PARVB: variants seen among roughly 807,000 people sequenced by gnomAD.
PARVB encodes the protein beta-parvin.
Under a neutral mutation model 47.0 loss-of-function variants are expected in PARVB, and 46 were observed. The observed-to-expected ratio is 0.98, with a 90% CI of 0.77 to 1.25. The LOEUF (loss-of-function observed/expected upper bound fraction) is 1.25. Ranked by LOEUF, PARVB falls within the 50% of genes most tolerant of loss-of-function variation. The probability of loss-of-function intolerance (pLI) is 0.00; values close to 1 mark genes in which losing one functional copy is unlikely to be tolerated. For synonymous variants in PARVB, 196 were observed against 196.3 expected (o/e 1.00, Z 0.01); for missense variants, 473 against 471.6 (o/e 1.00, Z -0.03).
chr22:44,054,697 T>A (rs1224699361), intron 1 of PARVB, among the ~76,000 whole-genome samples: 3 of 151,982 alleles, frequency 2.0e-5, no homozygotes, highest in African/African-American at 7.2e-5. Flanking sequence ...CACTTAAAAA[T>A]GGTTAAAGTA....
At chr22:44,159,502 T>A (rs1364085566) in intron 11 of PARVB, among the ~76,000 whole-genome samples, 1 of 152,162 alleles carries the variant, frequency 6.6e-6, no homozygotes, top group Admixed American at 6.5e-5. Flanking sequence ...AAGGGAAGGC[T>A]ATTTTCAGGT....
intron 1 of PARVB, among the ~76,000 whole-genome samples, chr22:44,083,794 C>A (rs924674757): frequency 2.0e-5 from 3 of 152,140 alleles, no homozygotes; most frequent in African/African-American, 7.2e-5. Context: ...TACCCTGGAG[C>A]TGGTGGGAGC....
At chr22:44,164,410 C>CCT (rs1555913767) in intron 12 of PARVB, among the ~76,000 whole-genome samples, 1 of 12,230 alleles carries the variant, frequency 8.2e-5, no homozygotes, top group Non-Finnish European at 1.3e-4. Flanking sequence ...GCTTCCCTGT[C>CCT]CCCCCCCCGG....
In PARVB at chr22:44,055,999, C is replaced by T. The variant is rs113928566; in HGVS notation, c.112+31548C>T. Among the ~76,000 whole-genome samples, 201 of 152,332 alleles carry T rather than the reference C, an allele frequency of 1.3e-3. 1 individual carries two copies. Among genetic ancestry groups the T allele is most frequent in the Middle Eastern group, 6.8e-3 (2 of 294 alleles). ...AATAATGGTTAGCCAAGCACCAGGCCGCTCCCCACCCAGTCCAGGCAGCTA... is the reference window on the plus strand; with the variant it reads ...AATAATGGTTAGCCAAGCACCAGGCTGCTCCCCACCCAGTCCAGGCAGCTA... On this transcript the variant is annotated intron_variant, in intron 1 of 12. Coordinates refer to ENST00000338758, the MANE Select transcript of PARVB (RefSeq NM_013327.5).
chr22:44,067,174 A>G (rs2051554059), intron 1 of PARVB, among the ~76,000 whole-genome samples: 1 of 152,090 alleles, frequency 6.6e-6, no homozygotes, highest in African/African-American at 2.4e-5. Context: ...GCGTGTCAGG[A>G]GCTGGGTCTT....
At chr22:44,150,167 G>GAAACA (rs60712968) in intron 9 of PARVB, 3,263 of 150,172 alleles carry the variant, frequency 0.022, 95 homozygotes, top group African/African-American at 0.076. Flanking sequence ...AAAACAAAAC[G>GAAACA]AAACAAAACA....
At chr22:44,055,576 G>A (rs1284620942) in intron 1 of PARVB, among the ~76,000 whole-genome samples, 2 of 151,838 alleles carry the variant, frequency 1.3e-5, no homozygotes, top group Non-Finnish European at 2.9e-5. Context: ...CTCGTGATCC[G>A]CCCGCCTCGG....
At chr22:44,146,275 ACAT>A (rs1368709988) in intron 8 of PARVB, 1 of 141,822 alleles carries the variant, frequency 7.1e-6, no homozygotes, top group African/African-American at 2.7e-5. Flanking sequence ...CAGCACACAC[ACAT>A]GTTCACACAC....
At chr22:44,094,234 G>A (rs183216026) in intron 2 of PARVB, among the ~76,000 whole-genome samples, 4 of 152,188 alleles carry the variant, frequency 2.6e-5, no homozygotes, top group South Asian at 2.1e-4. Flanking sequence ...GTCTTAAAAC[G>A]TAAGTTTTAT....
chr22:44,131,377 A>T, intron 4 of PARVB, 110 bp from the exon 5 acceptor site: 8 of 1,130,196 alleles, frequency 7.1e-6, no homozygotes, highest in South Asian at 5.9e-5. Flanking sequence ...CCTGGCCTGA[A>T]GTGATTCACC....
At chr22:44,043,696 G>A (rs572080558) in intron 1 of PARVB, among the ~76,000 whole-genome samples, 2 of 152,116 alleles carry the variant, frequency 1.3e-5, no homozygotes, top group Admixed American at 6.6e-5. Flanking sequence ...ACTTTAAAAC[G>A]GCAAATTGTA....
intron 7 of PARVB, among the ~76,000 whole-genome samples, chr22:44,137,447 G>A (rs946918684): frequency 6.6e-6 from 1 of 152,212 alleles, no homozygotes; most frequent in Non-Finnish European, 1.5e-5. Flanking sequence ...GTAGGAGAAG[G>A]GCTGCTCGTG....
intron 6 of PARVB, among the ~76,000 whole-genome samples, chr22:44,133,429 G>T (rs753607149): frequency 6.6e-6 from 1 of 151,960 alleles, no homozygotes; most frequent in Non-Finnish European, 1.5e-5. Flanking sequence ...TCTTTTTTTG[G>T]GTTCATTTCT....
intron 4 of PARVB, among the ~76,000 whole-genome samples, chr22:44,130,177 C>T (rs541385934): frequency 2.0e-5 from 3 of 152,222 alleles, no homozygotes; most frequent in Non-Finnish European, 4.4e-5. Flanking sequence ...GTCAATGCCG[C>T]GTCACTGACA....
rs1005027222 is a variant in PARVB, at chr22:44,087,851, T to TTTG, written c.113-6075_113-6074insGTT. Among the ~76,000 whole-genome samples, 8 of 150,972 alleles carry TTTG rather than the reference T, an allele frequency of 5.3e-5. 1 individual carries two copies. Among genetic ancestry groups the TTTG allele is most frequent in the African/African-American group, 1.9e-4 (8 of 41,148 alleles). On this transcript the variant is annotated intron_variant, in intron 1 of 12. Transcript: ENST00000338758. ...TCCAAATCAGGAACGATGGTGTTTT[T>TTTG]TTTTTTTTTTTTCTTTTTTCTTTTT...
At chr22:44,099,394 C>G (rs1236219442) in intron 2 of PARVB, among the ~76,000 whole-genome samples, 2 of 152,212 alleles carry the variant, frequency 1.3e-5, no homozygotes, top group Non-Finnish European at 2.9e-5. Flanking sequence ...CGGCACTGTC[C>G]TCCATGACGG....
chr22:44,027,708 G>A (rs1442834731), intron 1 of PARVB, among the ~76,000 whole-genome samples: 2 of 152,052 alleles, frequency 1.3e-5, no homozygotes, highest in African/African-American at 4.8e-5. Context: ...GACCAGCCTG[G>A]TCAACATGGT....
chr22:44,071,358 A>T (rs1044968338), intron 1 of PARVB, among the ~76,000 whole-genome samples: 1 of 152,180 alleles, frequency 6.6e-6, no homozygotes, highest in Non-Finnish European at 1.5e-5. Flanking sequence ...CCACTTCTTC[A>T]GTTTTGCTCA....
Position 44,100,066 on chromosome 22 carries a change from G to A in PARVB, c.216G>A (p.Glu72=), listed in dbSNP as rs2052405405. 2.5e-6 allele frequency: 4 copies of A among 1,614,022 alleles called. No individual in the cohort carries two copies. The highest frequency in any genetic ancestry group is 2.5e-6 in the Non-Finnish European group (3 of 1,179,874). ...TGTCCCTGGCAGAGGAGAACGAGGA[G>A]CGCACGATGATTGACCCCACTTCCA... The part of the protein sequence containing the change: ...PEDTQLEENE[E]RTMIDPTSKE... The change falls in exon 3 of 13, where the codon GAG becomes GAA. Residue 72 remains glutamate (E), a synonymous_variant. Transcript: ENST00000338758.
Sources: allele counts gnomAD v4.1 joint callset (sites outside exome capture counted in the v4.1 genomes callset), GRCh38; gene constraint gnomAD v4.1.1; transcripts MANE v1.5; gene names NCBI Gene and HGNC (gene_info 2026-07-23, HGNC 2026-07-21).